Variants in RCBTB2 observed in about 807,000 individuals in gnomAD.
RCBTB2 encodes RCC1 and BTB domain containing protein 2.
In RCBTB2, 55 loss-of-function variants were observed where a neutral mutation model predicts 65.4. That is an observed-to-expected ratio of 0.84 (90% CI 0.68 to 1.05). The LOEUF (loss-of-function observed/expected upper bound fraction) is 1.05, where lower values mean the gene tolerates loss of function less well. Ranked by LOEUF, RCBTB2 falls within the 50% of genes least tolerant of loss-of-function variation. RCBTB2 has a pLI of 0.00. For missense variants in RCBTB2, 599 were observed against 680.1 expected (o/e 0.88, Z 1.33); for synonymous variants, 220 against 255.2 (o/e 0.86, Z 1.31).
chr13:48,517,063 GA>G (rs1951131087), intron 4 of RCBTB2, among the ~76,000 whole-genome samples: 1 of 152,152 alleles, frequency 6.6e-6, no homozygotes, highest in South Asian at 2.1e-4. Context: ...ACCTTCTACA[GA>G]TCTGAACACC....
At chr13:48,532,695 C>T (rs1329315688) in intron 1 of RCBTB2, 5 of 268,112 alleles carry the variant, frequency 1.9e-5, no homozygotes, top group South Asian at 1.2e-4. Context: ...CAGCCTGGGC[C>T]GGCGGCCTGG....
At chr13:48,509,523 G>A (rs1422220899) in intron 10 of RCBTB2, among the ~76,000 whole-genome samples, 1 of 152,092 alleles carries the variant, frequency 6.6e-6, no homozygotes, top group Non-Finnish European at 1.5e-5. Context: ...ATGTGTGAAT[G>A]AACAGCTGCA....
intron 10 of RCBTB2, among the ~76,000 whole-genome samples, chr13:48,509,856 A>C (rs1429277479): frequency 2.6e-5 from 4 of 152,204 alleles, no homozygotes; most frequent in African/African-American, 9.7e-5. Context: ...ATTTCTTTTA[A>C]AATTAAATAT....
At position 48,496,241 on chromosome 13, in the gene RCBTB2, C is replaced by T. The variant is rs771334128; in HGVS notation, c.1465G>A (p.Glu489Lys). ...GAGAGCAGAGCGATGGCATTCTCCT[C>T]GCAGATGCCTTGCTTGATAGTTTGT... ...CQQTIKQGICEENAIALLSAA... is the reference protein window; with the variant it reads ...CQQTIKQGICKENAIALLSAA... Residue 489 changes from glutamate (E) to lysine (K), a missense_variant, in exon 14 of 15, where the codon GAG becomes AAG. Transcript: ENST00000344532. 6.9e-6 allele frequency: 11 copies of T among 1,592,042 alleles called. No homozygotes were observed. The East Asian group carries it at 9.2e-5, about 13-fold the overall frequency.
At chr13:48,515,428 T>G in intron 5 of RCBTB2, 73 bp from the exon 6 acceptor site, 1 of 1,479,366 alleles carries the variant, frequency 6.8e-7, no homozygotes, top group Non-Finnish European at 9.2e-7. Flanking sequence ...CAAACAGGAA[T>G]CATCTTCCTT....
At chr13:48,517,696 T>C (rs943282) in intron 4 of RCBTB2, among the ~76,000 whole-genome samples, 4,349 of 152,276 alleles carry the variant, frequency 0.029, 202 homozygotes, top group African/African-American at 0.094. Flanking sequence ...TTCTGAATAA[T>C]CTTCATGGCA....
rs546577203 is a variant in RCBTB2, at chr13:48,521,652, T to A, written c.42+246A>T. On this transcript the variant is annotated intron_variant, in intron 4 of 14. Transcript: ENST00000344532. Reference sequence around the variant, plus strand: ...TGCAGGGGATGGCCTTTGCGCCTCATCTGTCACTGTCACCATCGCTGGGAG... The same window carrying A: ...TGCAGGGGATGGCCTTTGCGCCTCAACTGTCACTGTCACCATCGCTGGGAG... Among the ~76,000 whole-genome samples the A allele has an allele frequency of 4.6e-5, 7 of 151,752 alleles. 1 individual carries two copies. The South Asian group carries it at 1.4e-3, about 31-fold the overall frequency.
chr13:48,510,798 CT>C, intron 9 of RCBTB2, 27 bp from the exon 10 acceptor site: 1 of 1,587,540 alleles, frequency 6.3e-7, no homozygotes, highest in Non-Finnish European at 8.6e-7. Flanking sequence ...CCACTCAGGA[CT>C]GCAAATATAA....
chr13:48,516,616 G>A (rs1211239678), intron 4 of RCBTB2, among the ~76,000 whole-genome samples: 1 of 152,120 alleles, frequency 6.6e-6, no homozygotes, highest in Non-Finnish European at 1.5e-5. Flanking sequence ...CCACCCTAAT[G>A]ACCTCATCTT....
Position 48,512,776 on chromosome 13 carries a change from C to T in RCBTB2, c.469G>A (p.Val157Ile). 6.2e-7 allele frequency: 1 copy of T among 1,614,062 alleles called. No homozygotes were observed. Among genetic ancestry groups the T allele is most frequent in the Non-Finnish European group, 8.5e-7 (1 of 1,179,930 alleles). Residue 157 changes from valine to isoleucine, a missense_variant, in exon 7 of 15, where the codon GTT (valine) becomes ATT (isoleucine). Val to Ile is a conservative substitution (Grantham distance 29). Coordinates refer to ENST00000344532, the MANE Select transcript of RCBTB2 (RefSeq NM_001268.4). ...TNLSNKQVIE[V>I]ACGSYHSLVL... Reference sequence around the variant, plus strand: ...AAAGAATGGTAAGACCCACAGGCAACTTCAATGACTTGTTTGTTTGACAGA... The same window carrying T: ...AAAGAATGGTAAGACCCACAGGCAATTTCAATGACTTGTTTGTTTGACAGA...
intron 12 of RCBTB2, among the ~76,000 whole-genome samples, chr13:48,501,435 C>T (rs1369308718): frequency 1.3e-5 from 2 of 152,152 alleles, no homozygotes; most frequent in Non-Finnish European, 2.9e-5. Flanking sequence ...TGATGGACGT[C>T]CAAGTATCAA....
intron 10 of RCBTB2, among the ~76,000 whole-genome samples, chr13:48,508,368 GA>G (rs771996300): frequency 5.9e-5 from 9 of 151,878 alleles, no homozygotes; most frequent in Non-Finnish European, 1.0e-4. Flanking sequence ...TTCAAGTACG[GA>G]AAACAGAAAA....
At chr13:48,515,931 C>T (rs9331988) in intron 4 of RCBTB2, among the ~76,000 whole-genome samples, 190 bp from the exon 5 acceptor site, 5,479 of 152,288 alleles carry the variant, frequency 0.036, 154 homozygotes, top group African/African-American at 0.075. Context: ...CATCGAGCAG[C>T]GGAGGCCCGG....
chr13:48,493,283 CTCTCTCCACACA>C (rs1222899571), intron 14 of RCBTB2, among the ~76,000 whole-genome samples: 1 of 116,598 alleles, frequency 8.6e-6, no homozygotes, highest in Middle Eastern at 4.3e-3. Context: ...CACCCTCTCT[CTCTCTCCACACA>C]CACACACACA....
At chr13:48,511,544 T>C (rs944501674) in intron 9 of RCBTB2, among the ~76,000 whole-genome samples, 63 of 152,210 alleles carry the variant, frequency 4.1e-4, no homozygotes, top group Non-Finnish European at 9.1e-4. Flanking sequence ...TCAGGAAAGC[T>C]TGTAACAATT....
chr13:48,512,019 C>A lies in RCBTB2; in HGVS notation c.672G>T (p.Gly224=). 1 of 1,613,574 alleles carries A rather than the reference C, an allele frequency of 6.2e-7. No individual in the cohort carries two copies. Among genetic ancestry groups the A allele is most frequent in the South Asian group, 1.1e-5 (1 of 91,054 alleles). ...QMCCMAVVDT[G]EVYVWGYNGN... ...AGATGTAAAATAACTTCCTTACCTC[C>A]CCCGTGTCTACTACTGCCATGCAGC... The change falls in exon 8 of 15, where the codon GGG becomes GGT. Residue 224 remains glycine (G), a synonymous_variant. Transcript: ENST00000344532.
intron 1 of RCBTB2, among the ~76,000 whole-genome samples, chr13:48,525,472 C>T (rs1476842688): frequency 1.0e-4 from 15 of 146,050 alleles, no homozygotes; most frequent in African/African-American, 3.5e-4. Context: ...TCTTACTCCT[C>T]CTACATGAGA....
chr13:48,518,471 AAAT>A (rs1232034023), intron 4 of RCBTB2, among the ~76,000 whole-genome samples: 1,756 of 131,938 alleles, frequency 0.013, 18 homozygotes, highest in African/African-American at 0.05. Context: ...AAAAAAAAAA[AAAT>A]ATATATATAT....
At chr13:48,490,837 A>G (rs189143509) in intron 14 of RCBTB2, among the ~76,000 whole-genome samples, 53 of 152,324 alleles carry the variant, frequency 3.5e-4, no homozygotes, top group Non-Finnish European at 6.3e-4. Flanking sequence ...AAAATGCTTT[A>G]AAGAAATCAT....
Sources: allele counts gnomAD v4.1 joint callset (sites outside exome capture counted in the v4.1 genomes callset), GRCh38; gene constraint gnomAD v4.1.1; transcripts MANE v1.5; gene names NCBI Gene and HGNC (gene_info 2026-07-23, HGNC 2026-07-21).